Variants in KIAA0586 observed in about 807,000 individuals in gnomAD.
The protein encoded by KIAA0586 is KIAA0586.
A neutral mutation model predicts 169.8 loss-of-function variants in KIAA0586; 144 were observed. That is an observed-to-expected ratio of 0.85 (90% CI 0.74 to 0.97). The LOEUF (loss-of-function observed/expected upper bound fraction) is 0.97. Among genes scored for constraint, KIAA0586 ranks in the 50% least tolerant of loss-of-function variants. The pLI is 0.00. For synonymous variants in KIAA0586, 625 were observed against 612.4 expected (o/e 1.02, Z -0.30); for missense variants, 1,854 against 1,823.0 (o/e 1.02, Z -0.31).
Position 58,456,697 on chromosome 14 carries a change from C to G in KIAA0586, c.1254-5C>G. ...CTGTAGCGTTGAAACTCTACCTTCT[C>G]AAAGATTTCCTTCCTGTGAAGAGCT... On this transcript the variant is annotated splice_polypyrimidine_tract_variant and splice_region_variant and intron_variant, in intron 9 of 30. Transcript: ENST00000652326. The G allele has an allele frequency of 1.3e-6, 2 of 1,548,500 alleles. No individual in the cohort carries two copies. Among genetic ancestry groups the G allele is most frequent in the Non-Finnish European group, 1.8e-6 (2 of 1,132,408 alleles).
chr14:58,512,521 G>T lies in KIAA0586; in HGVS notation c.4324-1G>T, dbSNP rs753649082. On this transcript the variant is annotated splice_acceptor_variant, in intron 28 of 30. Transcript: ENST00000652326. LOFTEE classifies it high-confidence loss of function. ...ATGACTTCATATCTTAAATTATTTA[G>T]TACCAACTAAAGCAAAATCAGGATG... 5 of 1,477,108 alleles carry T rather than the reference G, an allele frequency of 3.4e-6. No homozygotes were observed. The East Asian group carries it at 1.3e-4, about 39-fold the overall frequency. The allele number at this position is 1,477,108 out of a possible 1,614,324, so 91.5% of individuals were successfully genotyped here.
intron 29 of KIAA0586, among the ~76,000 whole-genome samples, chr14:58,515,256 C>A (rs1257912814): frequency 6.6e-6 from 1 of 151,286 alleles, no homozygotes; most frequent in Non-Finnish European, 1.5e-5. Flanking sequence ...AAATAAGTAT[C>A]AAAGTGCTAA....
chr14:58,561,592 G>A, the KIAA0586 span, among the ~76,000 whole-genome samples: 3 of 152,112 alleles, frequency 2.0e-5, no homozygotes, highest in Non-Finnish European at 2.9e-5. Flanking sequence ...AGCTTTTGCC[G>A]AGTATTATTA....
rs2016069 is a variant in KIAA0586, at chr14:58,499,110, A to G, written c.4168+150A>G. ...GGAAAGTTTGGTGATAACTTTTTTT[A>G]TAGTATATATAGCAGTGTTTCCCCA... On this transcript the variant is annotated intron_variant, in intron 27 of 30. Transcript: ENST00000652326. 2,149 of 642,368 alleles carry G rather than the reference A, an allele frequency of 3.3e-3. 29 individuals carry two copies. In the African/African-American group the frequency reaches 0.034, roughly 10 times the overall value. The allele number at this position is 642,368 out of a possible 1,614,324, so 39.8% of individuals were successfully genotyped here. A position where few individuals can be genotyped will look rare whatever the true frequency, so the allele number is the denominator to read the frequency against.
At chr14:58,546,165 C>A (rs1211449298) in intron 30 of KIAA0586, among the ~76,000 whole-genome samples, 3 of 152,072 alleles carry the variant, frequency 2.0e-5, no homozygotes, top group South Asian at 4.1e-4. Flanking sequence ...AACTTGTTTT[C>A]TTTTTAAATA....
At chr14:58,547,453 G>A (rs184040935) in intron 30 of KIAA0586, among the ~76,000 whole-genome samples, 5 of 152,260 alleles carry the variant, frequency 3.3e-5, no homozygotes, top group Admixed American at 3.3e-4. Context: ...CAGTCACACA[G>A]CCAGCAAGAA....
intron 29 of KIAA0586, chr14:58,521,129 A>G: frequency 2.0e-6 from 1 of 506,112 alleles, no homozygotes. Flanking sequence ...TAGGAGTCTC[A>G]GAATCGAATC....
chr14:58,513,535 G>C (rs748582518), intron 29 of KIAA0586, among the ~76,000 whole-genome samples: 6 of 151,110 alleles, frequency 4.0e-5, no homozygotes, highest in Admixed American at 3.3e-4. Context: ...TTTGTTGTCT[G>C]TTCCCCTCTT....
chr14:58,445,444 T>A (rs1408379699), intron 6 of KIAA0586, among the ~76,000 whole-genome samples: 2 of 151,602 alleles, frequency 1.3e-5, no homozygotes, highest in Non-Finnish European at 2.9e-5. Context: ...TTTCTTTTTT[T>A]TTTTTTTGAG....
chr14:58,561,704 C>G, the KIAA0586 span, among the ~76,000 whole-genome samples: 3 of 152,160 alleles, frequency 2.0e-5, no homozygotes, highest in Non-Finnish European at 2.9e-5. Context: ...TAAATGGATA[C>G]TTTAAACTCA....
At chr14:58,488,561 C>T in intron 23 of KIAA0586, 60 bp from the exon 24 acceptor site, 1 of 1,554,900 alleles carries the variant, frequency 6.4e-7, no homozygotes, top group African/African-American at 1.4e-5. Flanking sequence ...TTTTTTATAT[C>T]AAAATGAATA....
chr14:58,503,786 A>G (rs1183761900), intron 27 of KIAA0586, among the ~76,000 whole-genome samples: 2 of 150,650 alleles, frequency 1.3e-5, no homozygotes, highest in African/African-American at 2.4e-5. Flanking sequence ...CAGACAGAAT[A>G]TGCAATGAGA....
chr14:58,505,623 G>T (rs2141386219), intron 27 of KIAA0586, among the ~76,000 whole-genome samples: 1 of 152,218 alleles, frequency 6.6e-6, no homozygotes, highest in South Asian at 2.1e-4. Context: ...TCCTGAAATT[G>T]TGTTGATTAG....
At chr14:58,529,174 A>G (rs2045793816) in intron 29 of KIAA0586, among the ~76,000 whole-genome samples, 1 of 152,238 alleles carries the variant, frequency 6.6e-6, no homozygotes, top group African/African-American at 2.4e-5. Context: ...GAATCCCTGA[A>G]TAGATCAATA....
rs750516980 is a variant in KIAA0586, at chr14:58,469,196, AC to A, written c.2442+1277del. On this transcript the variant is annotated intron_variant, in intron 16 of 30. Transcript: ENST00000652326. ...ACTTCGTTCTCATAGATTGACTTCC[AC>A]CCTGCAGCTAAAATTGATAGTGTGT... Among the ~76,000 whole-genome samples the A allele has an allele frequency of 2.6e-5, 4 of 152,270 alleles. 1 individual carries two copies.
At chr14:58,529,305 A>T (rs976317880) in intron 29 of KIAA0586, among the ~76,000 whole-genome samples, 4 of 152,256 alleles carry the variant, frequency 2.6e-5, no homozygotes, top group African/African-American at 9.6e-5. Context: ...ATTCCTTCTG[A>T]AACTATTCCA....
chr14:58,507,518 C>G (rs1025489779), intron 27 of KIAA0586, among the ~76,000 whole-genome samples: 1 of 151,440 alleles, frequency 6.6e-6, no homozygotes, highest in Non-Finnish European at 1.5e-5. Flanking sequence ...TGACTTAATT[C>G]CTCTGTGCTT....
intron 20 of KIAA0586, among the ~76,000 whole-genome samples, chr14:58,479,433 A>G (rs532779746): frequency 2.1e-4 from 32 of 152,218 alleles, no homozygotes; most frequent in Non-Finnish European, 4.0e-4. Context: ...TTTATTGGAT[A>G]TATGTTTTGT....
At chr14:58,557,899 A>ATTTTTTTTTTTTTTTTT in the KIAA0586 span, among the ~76,000 whole-genome samples, 2 of 46,606 alleles carry the variant, frequency 4.3e-5, no homozygotes, top group African/African-American at 9.8e-5. Context: ...ATCCTGAGAA[A>ATTTTTTTTTTTTTTTTT]TCTTTTTTTT....
Sources: gnomAD v4.1 joint callset for allele counts (sites outside exome capture counted in the v4.1 genomes callset) on GRCh38, gnomAD v4.1.1 for gene constraint, MANE v1.5 for transcripts, NCBI Gene and HGNC (gene_info 2026-07-23, HGNC 2026-07-21) for gene names.